TAMM41: variants seen among roughly 807,000 people sequenced by gnomAD.
TAMM41 encodes phosphatidate cytidylyltransferase, mitochondrial.
In TAMM41, 36 loss-of-function variants were observed where a neutral mutation model predicts 44.1. The observed-to-expected ratio is 0.82, with a 90% CI of 0.63 to 1.08. TAMM41 has a LOEUF of 1.08. Ranked by LOEUF, TAMM41 falls within the 50% of genes least tolerant of loss-of-function variation. The pLI, the probability that TAMM41 is intolerant of heterozygous loss-of-function variation, is 0.00. For synonymous variants in TAMM41, 164 were observed against 153.1 expected, an observed-to-expected ratio of 1.07 and a Z score of -0.53; for missense variants, 417 against 404.3, an observed-to-expected ratio of 1.03 and a Z score of -0.27.
intron 3 of TAMM41, among the ~76,000 whole-genome samples, chr3:11,832,499 G>C (rs1362993631): frequency 3.3e-5 from 5 of 152,058 alleles, no homozygotes; most frequent in Admixed American, 2.0e-4. Flanking sequence ...TCTGAGGGTG[G>C]GTGCAGGTCC....
intron 3 of TAMM41, among the ~76,000 whole-genome samples, chr3:11,837,078 C>T (rs2079212040): frequency 6.6e-6 from 1 of 152,188 alleles, no homozygotes; most frequent in Admixed American, 6.5e-5. Flanking sequence ...TTTTAAGGAG[C>T]TACACTATGA....
At chr3:11,782,844 CAAT>C in the TAMM41 span, among the ~76,000 whole-genome samples, 2 of 152,156 alleles carry the variant, frequency 1.3e-5, no homozygotes, top group Non-Finnish European at 2.9e-5. Flanking sequence ...GTGCCTGAGT[CAAT>C]GAGCATCTTC....
At chr3:11,827,410 A>G (rs1274001231) in intron 4 of TAMM41, among the ~76,000 whole-genome samples, 3 of 151,646 alleles carry the variant, frequency 2.0e-5, no homozygotes, top group Non-Finnish European at 4.4e-5. Flanking sequence ...CGCCGGTTCA[A>G]GTGATTCTCC....
chr3:11,779,479 G>C, the TAMM41 span, among the ~76,000 whole-genome samples: 1 of 152,102 alleles, frequency 6.6e-6, no homozygotes, highest in Non-Finnish European at 1.5e-5. Flanking sequence ...CTCCAACACC[G>C]AGGATCCAAG....
At chr3:11,801,475 C>T (rs2077752593) in intron 7 of TAMM41, among the ~76,000 whole-genome samples, 2 of 152,024 alleles carry the variant, frequency 1.3e-5, no homozygotes. Context: ...CAGGCACATA[C>T]CACCATGCAC....
the TAMM41 span, among the ~76,000 whole-genome samples, chr3:11,772,292 A>G: frequency 1.4e-4 from 20 of 146,208 alleles, no homozygotes; most frequent in East Asian, 6.2e-4. Context: ...CGTGTTAGCC[A>G]GGATGGTCTT....
the TAMM41 span, among the ~76,000 whole-genome samples, chr3:11,770,601 G>A: frequency 6.6e-6 from 1 of 152,182 alleles, no homozygotes; most frequent in Non-Finnish European, 1.5e-5. Flanking sequence ...TGCTGAGCGC[G>A]TGCTGATCTG....
At chr3:11,819,027 T>G (rs1049188254) in intron 4 of TAMM41, among the ~76,000 whole-genome samples, 3 of 152,314 alleles carry the variant, frequency 2.0e-5, no homozygotes, top group African/African-American at 7.2e-5. Context: ...TGGATGAACT[T>G]GTTTTTGTCA....
At chr3:11,819,646 G>A (rs940457474) in intron 4 of TAMM41, among the ~76,000 whole-genome samples, 3 of 152,174 alleles carry the variant, frequency 2.0e-5, no homozygotes. Context: ...TATAGTCCTA[G>A]CACTTTGTGA....
At chr3:11,800,898 C>A (rs186754226) in intron 7 of TAMM41, among the ~76,000 whole-genome samples, 1 of 152,194 alleles carries the variant, frequency 6.6e-6, no homozygotes, top group East Asian at 1.9e-4. Flanking sequence ...GCATGGGCTA[C>A]ATAGGGAGAC....
At chr3:11,746,101 C>T in the TAMM41 span, among the ~76,000 whole-genome samples, 2 of 152,062 alleles carry the variant, frequency 1.3e-5, no homozygotes, top group Admixed American at 6.6e-5. Flanking sequence ...GAGATCGAGA[C>T]CATCCTGGCT....
intron 6 of TAMM41, chr3:11,809,269 CAT>C: frequency 2.0e-6 from 1 of 494,898 alleles, no homozygotes; most frequent in Non-Finnish European, 3.5e-6. Context: ...CCAAAAGAAA[CAT>C]TGTTTCTCCC....
At position 11,844,227 on chromosome 3, in the gene TAMM41, A is replaced by G. The variant is rs2079575010; in HGVS notation, c.136-16T>C. The G allele has an allele frequency of 1.9e-6, 3 of 1,609,428 alleles. No homozygotes were observed. Among genetic ancestry groups the G allele is most frequent in the Non-Finnish European group, 2.5e-6 (3 of 1,177,642 alleles). ...GCATAGCATTCTGTGGAGTGAAGAAAAGAGAATAATTTCAGTATTAATTCC... is the reference window on the plus strand; with the variant it reads ...GCATAGCATTCTGTGGAGTGAAGAAGAGAGAATAATTTCAGTATTAATTCC... On this transcript the variant is annotated splice_polypyrimidine_tract_variant and intron_variant, in intron 1 of 7. Coordinates refer to ENST00000455809, the MANE Select transcript of TAMM41 (RefSeq NM_001284401.2).
At chr3:11,796,930 A>G (rs1194135049) in intron 7 of TAMM41, among the ~76,000 whole-genome samples, 1 of 152,222 alleles carries the variant, frequency 6.6e-6, no homozygotes, top group African/African-American at 2.4e-5. Flanking sequence ...AAAGGAATAC[A>G]TCTAACCAGG....
At chr3:11,731,825 C>T in the TAMM41 span, among the ~76,000 whole-genome samples, 2 of 151,722 alleles carry the variant, frequency 1.3e-5, no homozygotes, top group African/African-American at 4.8e-5. Context: ...TCCCCAGGGA[C>T]TTTATGTGAA....
At chr3:11,728,235 C>T in the TAMM41 span, among the ~76,000 whole-genome samples, 1 of 152,222 alleles carries the variant, frequency 6.6e-6, no homozygotes, top group Non-Finnish European at 1.5e-5. Context: ...CTTGGTAATT[C>T]AACCTATGTA....
chr3:11,782,977 G>A, the TAMM41 span, among the ~76,000 whole-genome samples: 1 of 152,208 alleles, frequency 6.6e-6, no homozygotes, highest in South Asian at 2.1e-4. Flanking sequence ...CTGCAATGGA[G>A]AGCCTCAAAG....
At chr3:11,784,899 T>C in the TAMM41 span, among the ~76,000 whole-genome samples, 1 of 148,016 alleles carries the variant, frequency 6.8e-6, no homozygotes, top group Non-Finnish European at 1.5e-5. Context: ...GCCTCCCGGG[T>C]TCAAGTGATT....
intron 1 of TAMM41, among the ~76,000 whole-genome samples, chr3:11,845,854 C>T (rs1202861900): frequency 6.6e-6 from 1 of 152,210 alleles, no homozygotes; most frequent in Admixed American, 6.5e-5. Flanking sequence ...TGAAAAGTAA[C>T]AATGCCTAGT....
Sources: gnomAD v4.1 joint callset for allele counts (sites outside exome capture counted in the v4.1 genomes callset) on GRCh38, gnomAD v4.1.1 for gene constraint, MANE v1.5 for transcripts, NCBI Gene and HGNC (gene_info 2026-07-23, HGNC 2026-07-21) for gene names.